The following MOGAT1 variants were observed in gnomAD, a reference collection of about 807,000 sequenced individuals.
MOGAT1 encodes monoacylglycerol O-acyltransferase 1, also known as 2-acylglycerol O-acyltransferase 1.
A neutral mutation model predicts 31.4 loss-of-function variants in MOGAT1; 32 were observed. The observed-to-expected ratio is 1.02, with a 90% confidence interval of 0.77 to 1.37. The LOEUF is 1.37. Ranked by LOEUF, MOGAT1 falls within the 40% of genes most tolerant of loss-of-function variation. The probability of loss-of-function intolerance (pLI) is 0.00; values close to 1 mark genes in which losing one functional copy is unlikely to be tolerated. For missense variants in MOGAT1, 426 were observed against 402.0 expected (o/e 1.06, Z -0.51); for synonymous variants, 145 against 144.5 (o/e 1.00, Z -0.03).
At chr2:222,703,386 G>GT (rs370290626) in intron 5 of MOGAT1, among the ~76,000 whole-genome samples, 2 of 151,848 alleles carry the variant, frequency 1.3e-5, no homozygotes, top group African/African-American at 4.8e-5. Context: ...GTACCTGAGG[G>GT]TTTTTTTGTT....
chr2:222,678,897 T>C lies in MOGAT1; in HGVS notation c.94+7018T>C, dbSNP rs549133385. On this transcript the variant is annotated intron_variant, in intron 1 of 5. Transcript: ENST00000446656. ...TGGAGGTTGCAGTGAGCTGAGATCG[T>C]GCCATTGCACTCCAGCACCTGGGTG... is the stretch of plus-strand genomic sequence containing the variant. Among the ~76,000 whole-genome samples, 13 of 152,274 alleles carry C rather than the reference T, an allele frequency of 8.5e-5. No individual in the cohort carries two copies. The East Asian group carries it at 2.5e-3, about 29-fold the overall frequency.
intron 5 of MOGAT1, among the ~76,000 whole-genome samples, chr2:222,701,441 GAGAA>G (rs1026952073): frequency 1.4e-5 from 2 of 141,790 alleles, no homozygotes; most frequent in African/African-American, 5.2e-5. Context: ...AAAGAGAGGA[GAGAA>G]AGGAAGGAAG....
At chr2:222,674,715 G>A (rs2106029859) in intron 1 of MOGAT1, among the ~76,000 whole-genome samples, 1 of 152,224 alleles carries the variant, frequency 6.6e-6, no homozygotes, top group Non-Finnish European at 1.5e-5. Context: ...TTAAAAATAA[G>A]TATTTTGTGT....
chr2:222,679,608 A>T (rs1214793241), intron 1 of MOGAT1, among the ~76,000 whole-genome samples: 1 of 152,218 alleles, frequency 6.6e-6, no homozygotes, highest in Non-Finnish European at 1.5e-5. Flanking sequence ...CAATACTATG[A>T]CCTATAGACA....
intron 5 of MOGAT1, among the ~76,000 whole-genome samples, chr2:222,703,998 A>G (rs1379775976): frequency 6.6e-6 from 1 of 152,198 alleles, no homozygotes; most frequent in Non-Finnish European, 1.5e-5. Flanking sequence ...GTAAGGCAAT[A>G]CATGCATAAC....
At chr2:222,697,624 C>T (rs896116177) in intron 5 of MOGAT1, among the ~76,000 whole-genome samples, 4 of 145,566 alleles carry the variant, frequency 2.7e-5, no homozygotes, top group African/African-American at 5.1e-5. Flanking sequence ...CTCTTGTCAC[C>T]CAGGCCGGAG....
At chr2:222,707,359 A>G (rs35673493) in intron 5 of MOGAT1, among the ~76,000 whole-genome samples, 7 of 65,366 alleles carry the variant, frequency 1.1e-4, no homozygotes, top group African/African-American at 2.3e-4. Context: ...AAAAGAAAGA[A>G]AGAGAAAGAA....
chr2:222,673,261 C>CT lies in MOGAT1; in HGVS notation c.94+1393dup, dbSNP rs369731546. ...TTGTTTCAGAATGAAGTCTGTACAC[C>CT]TTTTTTTTTTTCCTTTTTCCTCTTA... On this transcript the variant is annotated intron_variant, in intron 1 of 5. Coordinates refer to ENST00000446656, the MANE Select transcript of MOGAT1 (RefSeq NM_058165.3). 1.2e-3 allele frequency among the ~76,000 whole-genome samples: 142 copies of CT among 123,356 alleles called. 1 individual carries two copies. Among genetic ancestry groups the CT allele is most frequent in the Middle Eastern group, 7.0e-3 (1 of 142 alleles). The allele number at this position is 123,356 out of a possible 152,430, so 80.9% of individuals were successfully genotyped here.
At chr2:222,691,823 C>T (rs1692767521) in intron 3 of MOGAT1, among the ~76,000 whole-genome samples, 1 of 152,180 alleles carries the variant, frequency 6.6e-6, no homozygotes, top group Non-Finnish European at 1.5e-5. Flanking sequence ...CTGTTTTGCT[C>T]TTACCCAATA....
chr2:222,692,372 G>C (rs1692776051), intron 3 of MOGAT1, among the ~76,000 whole-genome samples: 1 of 152,222 alleles, frequency 6.6e-6, no homozygotes, highest in Non-Finnish European at 1.5e-5. Flanking sequence ...TACCTGGCCA[G>C]TAGCAGGTGC....
chr2:222,692,861 C>A (rs1692782682), intron 3 of MOGAT1, among the ~76,000 whole-genome samples: 1 of 152,188 alleles, frequency 6.6e-6, no homozygotes, highest in East Asian at 1.9e-4. Context: ...CCCAAGAGGC[C>A]CTCTTCCTGG....
intron 5 of MOGAT1, among the ~76,000 whole-genome samples, chr2:222,697,767 G>T (rs532989998): frequency 5.2e-4 from 79 of 152,034 alleles, no homozygotes; most frequent in African/African-American, 1.9e-3. Context: ...TAGAGACAGA[G>T]TCTCACTATG....
intron 1 of MOGAT1, among the ~76,000 whole-genome samples, chr2:222,687,019 C>T (rs1692680615): frequency 7.0e-6 from 1 of 143,362 alleles, no homozygotes; most frequent in African/African-American, 2.6e-5. Context: ...AAGGCTGAGG[C>T]AGGAGAATCG....
chr2:222,687,373 G>A (rs1692690471), intron 1 of MOGAT1, among the ~76,000 whole-genome samples: 1 of 152,132 alleles, frequency 6.6e-6, no homozygotes, highest in Non-Finnish European at 1.5e-5. Context: ...AGAGAAAGCA[G>A]CAACGGCATT....
chr2:222,706,188 C>T (rs1356871845), intron 5 of MOGAT1, among the ~76,000 whole-genome samples: 1 of 152,146 alleles, frequency 6.6e-6, no homozygotes, highest in Non-Finnish European at 1.5e-5. Context: ...TAAATTCACT[C>T]TAGGCTGGGC....
At chr2:222,709,615 T>G (rs1693081766) in intron 5 of MOGAT1, 121 bp from the exon 6 acceptor site, 2 of 808,862 alleles carry the variant, frequency 2.5e-6, no homozygotes, top group African/African-American at 3.4e-5. Context: ...AAACAAGGAT[T>G]GGAGTGAGCA....
chr2:222,689,622 G>C (rs1346710433), intron 3 of MOGAT1, among the ~76,000 whole-genome samples, 153 bp downstream of exon 3: 1 of 152,142 alleles, frequency 6.6e-6, no homozygotes, highest in Non-Finnish European at 1.5e-5. Context: ...GGTGTTTCCT[G>C]CCCTCCCCCA....
chr2:222,692,174 A>G (rs1692772464), intron 3 of MOGAT1, among the ~76,000 whole-genome samples: 1 of 152,182 alleles, frequency 6.6e-6, no homozygotes, highest in Admixed American at 6.5e-5. Flanking sequence ...GAGACTGATG[A>G]TGGAAGCGGC....
rs758029583 is a variant in MOGAT1 at position 222,695,157 on chromosome 2, G to T, written c.722G>T (p.Gly241Val). Residue 241 changes from glycine to valine, a missense_variant, in exon 5 of 6, where the codon GGA becomes GTA. Transcript: ENST00000446656. ...ELFKQTDNPE[G>V]SWIRTVQNKL... is the part of the protein sequence containing the mutation. ...TTTAAACAAACTGACAACCCTGAAG[G>T]ATCATGGATTAGAACTGTTCAGAAT... 2.5e-6 allele frequency: 4 copies of T among 1,613,520 alleles called. No homozygotes were observed. Among genetic ancestry groups the T allele is most frequent in the Non-Finnish European group, 3.4e-6 (4 of 1,179,672 alleles).
Sources: allele counts gnomAD v4.1 joint callset (sites outside exome capture counted in the v4.1 genomes callset), GRCh38; gene constraint gnomAD v4.1.1; transcripts MANE v1.5; gene names NCBI Gene and HGNC (gene_info 2026-07-23, HGNC 2026-07-21).